The following PLCB4 variants were observed in gnomAD, a reference collection of about 807,000 sequenced individuals.
PLCB4 encodes 1-phosphatidylinositol 4,5-bisphosphate phosphodiesterase beta-4.
PLCB4 carries 77 observed loss-of-function variants against 178.8 expected under a neutral mutation model. That is an observed-to-expected ratio of 0.43 (90% CI 0.36 to 0.52). The LOEUF is 0.52. Among genes scored for constraint, PLCB4 ranks in the 20% least tolerant of loss-of-function variants. The pLI is 0.00. For synonymous variants in PLCB4, 496 were observed against 490.8 expected (o/e 1.01, Z -0.14); for missense variants, 1,024 against 1,453.4 (o/e 0.70, Z 4.80).
chr20:9,377,009 G>C (rs905637289), intron 12 of PLCB4, among the ~76,000 whole-genome samples: 1 of 152,120 alleles, frequency 6.6e-6, no homozygotes, highest in African/African-American at 2.4e-5. Flanking sequence ...TAAATGCACA[G>C]GCAAAGAGAG....
chr20:9,166,440 G>GTTGTGGCTGTGGGCACTGT (rs1568877154), intron 2 of PLCB4: 1 of 152,180 alleles, frequency 6.6e-6, no homozygotes, highest in Non-Finnish European at 1.5e-5. Context: ...TGGATATTTT[G>GTTGTGGCTGTGGGCACTGT]TTGTGGCTGT....
At chr20:9,087,634 C>G (rs1214853383) in intron 1 of PLCB4, among the ~76,000 whole-genome samples, 1 of 152,296 alleles carries the variant, frequency 6.6e-6, no homozygotes, top group African/African-American at 2.4e-5. Context: ...CCTGGTTTAA[C>G]TCTCCTCTCT....
At chr20:9,240,120 T>G (rs1402536611) in intron 3 of PLCB4, among the ~76,000 whole-genome samples, 2 of 152,116 alleles carry the variant, frequency 1.3e-5, no homozygotes, top group Non-Finnish European at 2.9e-5. Flanking sequence ...CATCCTTCAA[T>G]CCAGTCAAGT....
At chr20:9,244,904 C>T (rs369618472) in intron 3 of PLCB4, among the ~76,000 whole-genome samples, 6 of 152,096 alleles carry the variant, frequency 3.9e-5, no homozygotes, top group Admixed American at 6.6e-5. Context: ...AGTCTGTGAA[C>T]GCTGGGCAGT....
In PLCB4 at chr20:9,390,559, T is replaced by C; in HGVS notation, c.1267T>C (p.Tyr423His). ...ATATCAACAGTACAAGATGTCCAAA[T>C]ATTGCGAAGATCTATTTGGGGATCT... ...SKYQQYKMSK[Y>H]CEDLFGDLLL... is the part of the protein sequence containing the mutation. The change falls in exon 17 of 40, where the codon TAT (tyrosine) becomes CAT (histidine). Residue 423 changes from tyrosine to histidine, a missense_variant. Physicochemically the swap from Tyr to His is moderately conservative, Grantham distance 83. This residue lies in a region of PLCB4 where 263 missense variants were observed against 417.4 expected (regional missense o/e 0.63). Transcript: ENST00000378473. The C allele has an allele frequency of 6.3e-7, 1 of 1,591,670 alleles. No individual in the cohort carries two copies. Among genetic ancestry groups the C allele is most frequent in the Non-Finnish European group, 8.6e-7 (1 of 1,159,592 alleles).
chr20:9,187,827 G>T (rs1324743902), intron 2 of PLCB4, among the ~76,000 whole-genome samples: 2 of 152,298 alleles, frequency 1.3e-5, no homozygotes, highest in East Asian at 1.9e-4. Context: ...AAGATTCAAG[G>T]GTGGGTTGTC....
chr20:9,074,703 A>G (rs2089748113), intron 1 of PLCB4, among the ~76,000 whole-genome samples: 1 of 152,134 alleles, frequency 6.6e-6, no homozygotes, highest in African/African-American at 2.4e-5. Flanking sequence ...CTCAGTCCTA[A>G]TAGCTTCAAA....
intron 6 of PLCB4, 90 bp from the exon 7 acceptor site, chr20:9,338,804 A>T: frequency 1.0e-6 from 1 of 968,640 alleles, no homozygotes; most frequent in Non-Finnish European, 1.6e-6. Flanking sequence ...GTTTATTTTT[A>T]CATTAAATGT....
Position 9,384,414 on chromosome 20 carries a change from G to A in PLCB4, c.1064+3G>A. ...CAGGTTCTCCTGGCTGGTTGCAGGT[G>A]AGGAACTCAAGATGGCAATTTGTTT... On this transcript the variant is annotated splice_donor_region_variant and intron_variant, in intron 14 of 39. Coordinates refer to ENST00000378473, the MANE Select transcript of PLCB4 (RefSeq NM_001377142.1). 6.2e-7 allele frequency: 1 copy of A among 1,610,530 alleles called. No individual in the cohort carries two copies. The highest frequency in any genetic ancestry group is 1.3e-5 in the African/African-American group (1 of 74,978).
At position 9,479,073 on chromosome 20, in the gene PLCB4, T is replaced by C. The variant is rs372023385; in HGVS notation, c.*64T>C. The C allele has an allele frequency of 1.2e-5, 13 of 1,093,676 alleles. No individual in the cohort carries two copies. In the African/African-American group the frequency reaches 1.5e-4, roughly 13 times the overall value. The allele number at this position is 1,093,676 out of a possible 1,614,324, so 67.7% of individuals were successfully genotyped here. The stretch of plus-strand genomic sequence containing the variant: ...AACTTCTGAACACAAACTCCATGGA[T>C]GAAAGCTGTTTATTTTGTTTCCTTT... On this transcript the variant is annotated 3_prime_UTR_variant, in exon 40 of 40. Coordinates refer to ENST00000378473, the MANE Select transcript of PLCB4 (RefSeq NM_001377142.1).
intron 3 of PLCB4, among the ~76,000 whole-genome samples, chr20:9,269,061 A>T (rs759291010): frequency 6.6e-6 from 1 of 152,234 alleles, no homozygotes; most frequent in South Asian, 2.1e-4. Flanking sequence ...TGGGATCAAA[A>T]AAATGAGGCT....
chr20:9,211,489 T>A (rs888272704), intron 2 of PLCB4, among the ~76,000 whole-genome samples: 2 of 152,198 alleles, frequency 1.3e-5, no homozygotes, highest in African/African-American at 4.8e-5. Flanking sequence ...TAACCAGATA[T>A]GCTGGTGATT....
At chr20:9,227,383 T>C (rs974733349) in intron 3 of PLCB4, among the ~76,000 whole-genome samples, 1 of 152,184 alleles carries the variant, frequency 6.6e-6, no homozygotes, top group African/African-American at 2.4e-5. Context: ...TATTTTGTTG[T>C]TATATTTAAG....
In PLCB4 at chr20:9,307,580, G is replaced by A. The variant is rs145316177; in HGVS notation, c.-15-220G>A. On this transcript the variant is annotated intron_variant, in intron 3 of 39. Coordinates refer to ENST00000378473, the MANE Select transcript of PLCB4 (RefSeq NM_001377142.1). ...ATTTTGTAGGATTTGGAGAGGGAAT[G>A]GAAACTTCCCAAATGATCACCTCTG... Among the ~76,000 whole-genome samples the A allele has an allele frequency of 9.2e-3, 1,374 of 149,850 alleles. 13 individuals carry two copies. Among genetic ancestry groups the A allele is most frequent in the Middle Eastern group, 0.025 (7 of 276 alleles).
rs767755759 is a variant in PLCB4, at chr20:9,373,112, T to C, written c.744+8T>C. 7.2e-7 allele frequency: 1 copy of C among 1,386,036 alleles called. No individual in the cohort carries two copies. Among genetic ancestry groups the C allele is most frequent in the South Asian group, 1.2e-5 (1 of 84,498 alleles). 85.9% of individuals were successfully genotyped at this position (1,386,036 alleles called of 1,614,324 possible). On this transcript the variant is annotated splice_region_variant and intron_variant, in intron 12 of 39. Coordinates refer to ENST00000378473, the MANE Select transcript of PLCB4 (RefSeq NM_001377142.1). ...GTGAGCTTTCTAAATGAAGTAAGCT[T>C]TTTCATACATTAACTCCATAAAGTC...
intron 1 of PLCB4, among the ~76,000 whole-genome samples, chr20:9,087,171 T>G (rs2090468081): frequency 6.6e-6 from 1 of 152,244 alleles, no homozygotes. Context: ...CATTTACATT[T>G]AAAGTTGTTG....
chr20:9,278,305 A>C (rs1478910864), intron 3 of PLCB4, among the ~76,000 whole-genome samples: 1 of 152,082 alleles, frequency 6.6e-6, no homozygotes, highest in East Asian at 1.9e-4. Context: ...ACGACAGTCC[A>C]GTTGGAAAAG....
chr20:9,157,438 T>G (rs1211089987), intron 2 of PLCB4, among the ~76,000 whole-genome samples: 1 of 152,142 alleles, frequency 6.6e-6, no homozygotes, highest in African/African-American at 2.4e-5. Context: ...ACATTTTGGT[T>G]GGTGTCATAT....
Position 9,108,899 on chromosome 20 carries a change from AAGAGAG to A in PLCB4, c.-79+12579_-79+12584del, listed in dbSNP as rs34242182. On this transcript the variant is annotated intron_variant, in intron 2 of 39. Transcript: ENST00000378473. ...TGAGAGAGAGAGGAAGAGAGAAAAC[AAGAGAG>A]AGAGAGAGAGAGAGAGAGAGAAAGA... Among the ~76,000 whole-genome samples the A allele has an allele frequency of 1.4e-3, 199 of 142,514 alleles. 2 individuals carry two copies. The highest frequency in any genetic ancestry group is 9.5e-3 in the East Asian group (44 of 4,656). 93.5% of individuals were successfully genotyped at this position (142,514 alleles called of 152,430 possible).
Sources: gnomAD v4.1 joint callset for allele counts (sites outside exome capture counted in the v4.1 genomes callset) on GRCh38, gnomAD v4.1.1 for gene constraint, gnomAD v4.1.1 regional missense constraint, MANE v1.5 for transcripts, NCBI Gene and HGNC (gene_info 2026-07-23, HGNC 2026-07-21) for gene names.